The following ATP6V1B2 variants were observed in gnomAD, a reference collection of about 807,000 sequenced individuals.
The protein encoded by ATP6V1B2 is ATPase H+ transporting V1 subunit B2.
ATP6V1B2 carries 23 observed loss-of-function variants against 66.7 expected under a neutral mutation model. The ratio of observed to expected loss-of-function variants is 0.34; its 90% confidence interval spans 0.25 to 0.49. ATP6V1B2 has a LOEUF of 0.49. ATP6V1B2 is among the 20% of genes least tolerant of loss of function. ATP6V1B2 has a pLI of 0.99. For synonymous variants in ATP6V1B2, 278 were observed against 236.7 expected (o/e 1.17, Z -1.60); for missense variants, 478 against 650.8 (o/e 0.73, Z 2.89).
chr8:20,209,869 A>C (rs2072775649), intron 3 of ATP6V1B2, among the ~76,000 whole-genome samples: 1 of 152,004 alleles, frequency 6.6e-6, no homozygotes, highest in South Asian at 2.1e-4. Flanking sequence ...CCTAGTTTTA[A>C]AATGTTACCT....
At chr8:20,212,349 T>G in intron 8 of ATP6V1B2, 150 bp downstream of exon 8, 1 of 718,142 alleles carries the variant, frequency 1.4e-6, no homozygotes, top group Non-Finnish European at 2.3e-6. Context: ...TCTTGGTAGT[T>G]ATCTGGCACT....
intron 11 of ATP6V1B2, 175 bp downstream of exon 11, chr8:20,216,670 G>A (rs947660989): frequency 4.0e-5 from 21 of 530,290 alleles, no homozygotes; most frequent in African/African-American, 5.8e-5. Context: ...TCGGCAGAGC[G>A]CCAGAATTAA....
intron 2 of ATP6V1B2, among the ~76,000 whole-genome samples, chr8:20,205,406 A>T (rs563432676): frequency 6.6e-6 from 1 of 152,198 alleles, no homozygotes; most frequent in Non-Finnish European, 1.5e-5. Context: ...GGAGATGCAG[A>T]TATAGTATCA....
Position 20,204,487 on chromosome 8 carries a change from A to C in ATP6V1B2, c.140A>C (p.Tyr47Ser). The C allele has an allele frequency of 6.2e-7, 1 of 1,612,422 alleles. No homozygotes were observed. Among genetic ancestry groups the C allele is most frequent in the Non-Finnish European group, 8.5e-7 (1 of 1,178,614 alleles). ...ACTCTTCTGTATTTCTTTCCAGCAT[A>C]CAAGACAGTATCTGGAGTCAATGGT... ...RNYLSQPRLTYKTVSGVNGPL... is the reference protein window; with the variant it reads ...RNYLSQPRLTSKTVSGVNGPL... Residue 47 changes from tyrosine to serine, a missense_variant, in exon 2 of 14, where the codon TAC (tyrosine) becomes TCC (serine). By Grantham distance (144) the Tyr-to-Ser change is moderately radical (BLOSUM62 -2). This residue lies in a region of ATP6V1B2 where 152 missense variants were observed against 105.2 expected (regional missense o/e 1.44). Transcript: ENST00000276390.
chr8:20,213,278 T>C (rs917236867), intron 9 of ATP6V1B2: 1 of 254,462 alleles, frequency 3.9e-6, no homozygotes, highest in Middle Eastern at 1.4e-3. Flanking sequence ...TAATATTTTA[T>C]AAAGACCCTA....
chr8:20,200,186 T>C (rs1334514415), intron 1 of ATP6V1B2, among the ~76,000 whole-genome samples: 3 of 151,908 alleles, frequency 2.0e-5, no homozygotes, highest in Admixed American at 6.6e-5. Context: ...TTAATTTTTA[T>C]TTTTTATTTT....
At chr8:20,217,376 T>G in intron 12 of ATP6V1B2, 52 bp downstream of exon 12, 1 of 1,466,902 alleles carries the variant, frequency 6.8e-7, no homozygotes, top group Non-Finnish European at 9.5e-7. Flanking sequence ...ACGTTTCTGC[T>G]GTCTTACACC....
chr8:20,219,270 C>T (rs556925920), intron 13 of ATP6V1B2, among the ~76,000 whole-genome samples: 2 of 152,268 alleles, frequency 1.3e-5, no homozygotes, highest in South Asian at 2.1e-4. Flanking sequence ...TCCAAAGGCT[C>T]TAGTCCAAAC....
rs180737041 is a variant in ATP6V1B2 at position 20,211,851 on chromosome 8, G to A, written c.705+98G>A. 6 of 1,063,084 alleles carry A rather than the reference G, an allele frequency of 5.6e-6. No homozygotes were observed. In the Admixed American group the frequency reaches 1.7e-4, roughly 30 times the overall value. The allele number at this position is 1,063,084 out of a possible 1,614,324, so 65.9% of individuals were successfully genotyped here. On this transcript the variant is annotated intron_variant, in intron 7 of 13. Coordinates refer to ENST00000276390, the MANE Select transcript of ATP6V1B2 (RefSeq NM_001693.4). The stretch of plus-strand genomic sequence containing the variant: ...ACATATATAGTTGAATTTTTCTTTA[G>A]GTAAAGAATTTGCAATCTGGCATTT...
chr8:20,210,306 A>G (rs2072780069), intron 3 of ATP6V1B2, 40 bp from the exon 4 acceptor site: 1 of 1,541,538 alleles, frequency 6.5e-7, no homozygotes, highest in East Asian at 2.2e-5. Flanking sequence ...CCGTGATCTA[A>G]ATTACTTCTA....
chr8:20,208,148 T>C (rs1043683735), intron 2 of ATP6V1B2, among the ~76,000 whole-genome samples: 1 of 152,162 alleles, frequency 6.6e-6, no homozygotes, highest in African/African-American at 2.4e-5. Flanking sequence ...TGGCAGAAAA[T>C]GGGCATGGCC....
intron 1 of ATP6V1B2, among the ~76,000 whole-genome samples, chr8:20,198,854 G>C (rs938697213): frequency 2.0e-5 from 3 of 152,168 alleles, no homozygotes; most frequent in African/African-American, 7.2e-5. Flanking sequence ...AATGTATGTT[G>C]GGACTTATCT....
intron 9 of ATP6V1B2, 43 bp from the exon 10 acceptor site, chr8:20,214,775 T>A: frequency 6.5e-7 from 1 of 1,544,226 alleles, no homozygotes; most frequent in Non-Finnish European, 8.7e-7. Flanking sequence ...GCAAGCTTGT[T>A]GTAATATCGT....
chr8:20,208,523 AAAAC>A (rs1467050418), intron 2 of ATP6V1B2, among the ~76,000 whole-genome samples: 10 of 152,170 alleles, frequency 6.6e-5, no homozygotes, highest in Non-Finnish European at 1.2e-4. Flanking sequence ...GGTCAAGTGA[AAAAC>A]AAATTGCGGA....
At position 20,218,158 on chromosome 8, in the gene ATP6V1B2, G is replaced by A. The variant is rs763356558; in HGVS notation, c.1272G>A (p.Ala424=). Residue 424 remains alanine (A), a synonymous_variant, in exon 13 of 14, where the codon GCG becomes GCA. Transcript: ENST00000276390. The stretch of plus-strand genomic sequence containing the variant: ...GGTGCCTTTCTTCTCTTTAGTATGC[G>A]TGCTATGCTATTGGAAAGGATGTGC... ...DHADVSNQLY[A]CYAIGKDVQA... The A allele has an allele frequency of 1.6e-5, 26 of 1,612,702 alleles. No individual in the cohort carries two copies. The highest frequency in any genetic ancestry group is 3.3e-4 in the Middle Eastern group (2 of 6,070).
In ATP6V1B2 at chr8:20,218,224, A is replaced by G. The variant is rs1177062253; in HGVS notation, c.1338A>G (p.Ser446=). The G allele has an allele frequency of 6.2e-6, 10 of 1,613,378 alleles. No homozygotes were observed. Among genetic ancestry groups the G allele is most frequent in the Non-Finnish European group, 8.5e-6 (10 of 1,179,530 alleles). ...TCGTTGGAGAAGAAGCCCTTACCTC[A>G]GATGATCTTCTCTACTTGGAATTTC... The part of the protein sequence containing the change: ...KAVVGEEALT[S]DDLLYLEFLQ... Residue 446 remains serine (S), a synonymous_variant, in exon 13 of 14, where the codon TCA becomes TCG. Coordinates refer to ENST00000276390, the MANE Select transcript of ATP6V1B2 (RefSeq NM_001693.4).
At position 20,204,125 on chromosome 8, in the gene ATP6V1B2, C is replaced by T. The variant is rs375092514; in HGVS notation, c.137-359C>T. ...TGTTTCTGCTGTGCTCCCACAAACC[C>T]TGTGCAGGCCATAGTTAGAGCCCTT... On this transcript the variant is annotated intron_variant, in intron 1 of 13. Coordinates refer to ENST00000276390, the MANE Select transcript of ATP6V1B2 (RefSeq NM_001693.4). The T allele has an allele frequency of 5.6e-3, 2,269 of 408,398 alleles. 18 individuals are homozygous for T. The highest frequency in any genetic ancestry group is 0.011 in the Middle Eastern group (31 of 2,810). 25.3% of individuals were successfully genotyped at this position (408,398 alleles called of 1,614,324 possible).
intron 11 of ATP6V1B2, 114 bp from the exon 12 acceptor site, chr8:20,217,106 A>C: frequency 1.2e-6 from 1 of 836,756 alleles, no homozygotes; most frequent in South Asian, 1.5e-5. Context: ...AGACAAATGC[A>C]GCGGTTGTCT....
At chr8:20,215,002 A>G (rs750424486) in intron 10 of ATP6V1B2, 34 bp downstream of exon 10, 276 of 1,600,908 alleles carry the variant, frequency 1.7e-4, no homozygotes, top group Middle Eastern at 1.4e-3. Context: ...AACACACCTA[A>G]TCATTTTAAA....
Sources: allele counts gnomAD v4.1 joint callset (sites outside exome capture counted in the v4.1 genomes callset), GRCh38; gene constraint gnomAD v4.1.1; regional missense constraint gnomAD v4.1.1; transcripts MANE v1.5; gene names NCBI Gene and HGNC (gene_info 2026-07-23, HGNC 2026-07-21).